Variants in PCLO observed in about 807,000 individuals in gnomAD.
PCLO encodes the protein protein piccolo.
A neutral mutation model predicts 427.5 loss-of-function variants in PCLO; 82 were observed. That is an observed-to-expected ratio of 0.19 (90% CI 0.16 to 0.23). PCLO has a LOEUF of 0.23. Ranked by LOEUF, PCLO falls within the 10% of genes least tolerant of loss-of-function variation. PCLO has a pLI of 1.00. For synonymous variants in PCLO, 2,357 were observed against 2,155.4 expected (o/e 1.09, Z -2.59); for missense variants, 6,239 against 6,115.9 (o/e 1.02, Z -0.67).
At chr7:82,866,420 T>A (rs1037917887) in intron 10 of PCLO, among the ~76,000 whole-genome samples, 18 of 152,030 alleles carry the variant, frequency 1.2e-4, no homozygotes, top group African/African-American at 4.1e-4. Flanking sequence ...GTAAGACCCA[T>A]GCTTTCTTCA....
intron 6 of PCLO, among the ~76,000 whole-genome samples, chr7:82,938,162 C>A: frequency 6.6e-6 from 1 of 151,832 alleles, no homozygotes; most frequent in Non-Finnish European, 1.5e-5. Flanking sequence ...TGGAACAAAA[C>A]ATCAGTAAGA....
intron 9 of PCLO, among the ~76,000 whole-genome samples, chr7:82,902,256 A>T (rs1438520977): frequency 6.6e-6 from 1 of 151,558 alleles, no homozygotes; most frequent in East Asian, 1.9e-4. Flanking sequence ...ATAAAAAATG[A>T]TGAGTTCATG....
chr7:83,100,633 A>G (rs1470336157), intron 3 of PCLO, among the ~76,000 whole-genome samples: 2 of 152,118 alleles, frequency 1.3e-5, no homozygotes, highest in Non-Finnish European at 2.9e-5. Context: ...AGAGAGGAAC[A>G]ACACACAGGG....
chr7:83,082,147 G>A (rs920317422), intron 3 of PCLO, among the ~76,000 whole-genome samples: 11 of 150,536 alleles, frequency 7.3e-5, no homozygotes, highest in Non-Finnish European at 1.6e-4. Context: ...ACACACATAT[G>A]TAAAATCCTC....
intron 3 of PCLO, among the ~76,000 whole-genome samples, chr7:83,107,137 T>G (rs998603587): frequency 2.0e-5 from 3 of 152,188 alleles, no homozygotes; most frequent in Admixed American, 2.0e-4. Context: ...TCACAGGGTG[T>G]TGGTGTACAA....
chr7:82,890,291 T>C (rs574420228), intron 9 of PCLO, among the ~76,000 whole-genome samples: 1 of 152,140 alleles, frequency 6.6e-6, no homozygotes, highest in South Asian at 2.1e-4. Context: ...TTGCAAAAAT[T>C]TGTACACGTA....
intron 10 of PCLO, among the ~76,000 whole-genome samples, chr7:82,848,308 T>TTTTG (rs1273381684): frequency 1.5e-5 from 2 of 137,538 alleles, no homozygotes; most frequent in Non-Finnish European, 1.6e-5. Flanking sequence ...TAGTTAGTTT[T>TTTTG]TTTTTTTTTT....
intron 3 of PCLO, among the ~76,000 whole-genome samples, chr7:83,117,877 T>C (rs1284643295): frequency 6.6e-6 from 1 of 152,220 alleles, no homozygotes; most frequent in Admixed American, 6.6e-5. Flanking sequence ...AACCTATTAC[T>C]AGGCTATTAT....
chr7:82,864,165 A>G (rs967946108), intron 10 of PCLO, among the ~76,000 whole-genome samples: 2 of 152,144 alleles, frequency 1.3e-5, no homozygotes, highest in Non-Finnish European at 2.9e-5. Context: ...TTTATAGCTA[A>G]TATCTTAGAT....
chr7:83,025,250 A>T (rs1044594594), intron 3 of PCLO, among the ~76,000 whole-genome samples: 1 of 152,060 alleles, frequency 6.6e-6, no homozygotes, highest in Non-Finnish European at 1.5e-5. Context: ...AATACAGAGA[A>T]GTGCTTAAAG....
chr7:83,050,223 A>AAAAAAAAAAAAAAAAAC (rs1789205268), intron 3 of PCLO, among the ~76,000 whole-genome samples: 1 of 121,454 alleles, frequency 8.2e-6, no homozygotes, highest in African/African-American at 3.2e-5. Context: ...AAAAAAAAAA[A>AAAAAAAAAAAAAAAAAC]AAAAAAAAAA....
intron 3 of PCLO, among the ~76,000 whole-genome samples, chr7:83,041,091 T>C (rs577151315): frequency 6.6e-6 from 1 of 152,298 alleles, no homozygotes; most frequent in East Asian, 1.9e-4. Context: ...TTTATCATTG[T>C]TTCTTTTAGA....
intron 7 of PCLO, chr7:82,914,354 GA>G (rs915944749): frequency 3.7e-5 from 17 of 464,354 alleles, no homozygotes; most frequent in African/African-American, 2.2e-4. Flanking sequence ...AACTTACAAT[GA>G]AAAACTTTTC....
At chr7:82,823,122 T>C (rs1791838069) in intron 19 of PCLO, among the ~76,000 whole-genome samples, 1 of 152,172 alleles carries the variant, frequency 6.6e-6, no homozygotes, top group Non-Finnish European at 1.5e-5. Flanking sequence ...AGAGAATGTA[T>C]GGATCACGTA....
At position 83,135,650 on chromosome 7, in the gene PCLO, C is replaced by T. The variant is rs866047893; in HGVS notation, c.1900G>A (p.Glu634Lys). The T allele has an allele frequency of 4.4e-6, 7 of 1,576,762 alleles. No homozygotes were observed. Among genetic ancestry groups the T allele is most frequent in the African/African-American group, 2.7e-5 (2 of 73,472 alleles). Residue 634 changes from glutamate to lysine, a missense_variant, in exon 3 of 25, where the codon GAG becomes AAG. This residue lies in a region of PCLO where 4,677 missense variants were observed against 4,468.4 expected (regional missense o/e 1.05). Transcript: ENST00000333891. ...NPNPHLTEVKEWLCLNCQMKR... is the reference protein window; with the variant it reads ...NPNPHLTEVKKWLCLNCQMKR... ...ATTTGACAGTTCAAACAGAGCCACT[C>T]TTTTACCTACAAATAATATAAAACA... is the stretch of plus-strand genomic sequence containing the variant.
chr7:82,754,667 A>ATT lies in PCLO; in HGVS notation c.*3907_*3908insAA, dbSNP rs1790280638. Reference sequence around the variant, plus strand: ...TGATTAAATAATTTTGGCCTAATGGATACCTTTAATAATAGAACATGAAAC... The same window carrying ATT: ...TGATTAAATAATTTTGGCCTAATGGATTTACCTTTAATAATAGAACATGAAAC... On this transcript the variant is annotated 3_prime_UTR_variant, in exon 25 of 25. Transcript: ENST00000333891. The ATT allele has an allele frequency of 6.6e-6, 1 of 152,124 alleles. No homozygotes were observed. The highest frequency in any genetic ancestry group is 1.5e-5 in the Non-Finnish European group (1 of 67,988). The allele number at this position is 152,124 out of a possible 1,614,324, so 9.4% of individuals were successfully genotyped here. A position where few individuals can be genotyped will look rare whatever the true frequency, so the allele number is the denominator to read the frequency against.
rs1407569907 is a variant in PCLO at position 83,097,558 on chromosome 7, ATAT to A, written c.3300+36689_3300+36691del. On this transcript the variant is annotated intron_variant, in intron 3 of 24. Coordinates refer to ENST00000333891, the MANE Select transcript of PCLO (RefSeq NM_033026.6). ...TATATATATAATATATAAAATACAT[ATAT>A]TATATATATATTTTATTTGTATTAG... 3.4e-3 allele frequency among the ~76,000 whole-genome samples: 500 copies of A among 147,374 alleles called. 3 individuals carry two copies. Among genetic ancestry groups the A allele is most frequent in the African/African-American group, 0.012 (478 of 40,628 alleles).
intron 22 of PCLO, among the ~76,000 whole-genome samples, chr7:82,773,506 T>A (rs1187853349): frequency 1.3e-5 from 2 of 152,194 alleles, no homozygotes; most frequent in Non-Finnish European, 2.9e-5. Flanking sequence ...TAAAATGCAA[T>A]AAATGTGATC....
chr7:83,090,286 G>A (rs192628638), intron 3 of PCLO, among the ~76,000 whole-genome samples: 3 of 152,164 alleles, frequency 2.0e-5, no homozygotes, highest in Non-Finnish European at 4.4e-5. Flanking sequence ...ACTGGCTGAC[G>A]TGTGCTGAAG....
Sources: allele counts gnomAD v4.1 joint callset (sites outside exome capture counted in the v4.1 genomes callset), GRCh38; gene constraint gnomAD v4.1.1; regional missense constraint gnomAD v4.1.1; transcripts MANE v1.5; gene names NCBI Gene and HGNC (gene_info 2026-07-23, HGNC 2026-07-21).